ADGRV1: variants seen among roughly 807,000 people sequenced by gnomAD.
ADGRV1 encodes G-protein coupled receptor 98.
In ADGRV1, 359 loss-of-function variants were observed where a neutral mutation model predicts 596.2. That is an observed-to-expected ratio of 0.60 (90% confidence interval 0.55 to 0.66). The LOEUF (loss-of-function observed/expected upper bound fraction) is 0.66, where lower values mean the gene tolerates loss of function less well. ADGRV1 is among the 30% of genes least tolerant of loss of function. The pLI, the probability that ADGRV1 is intolerant of heterozygous loss-of-function variation, is 0.00. For missense variants in ADGRV1, 7,274 were observed against 7,575.6 expected (o/e 0.96, Z 1.48); for synonymous variants, 2,681 against 2,679.2 (o/e 1.00, Z -0.02).
chr5:90,647,418 C>T, intron 16 of ADGRV1, 80 bp from the exon 17 acceptor site: 1 of 1,405,568 alleles, frequency 7.1e-7, no homozygotes, highest in Non-Finnish European at 9.7e-7. Flanking sequence ...TCTTGGAGGG[C>T]AGGGAGAAGC....
chr5:90,968,968 C>T (rs1363394488), intron 84 of ADGRV1, among the ~76,000 whole-genome samples: 2 of 152,162 alleles, frequency 1.3e-5, no homozygotes, highest in South Asian at 2.1e-4. Flanking sequence ...TTTTTATCTG[C>T]GTATCTTCAG....
intron 87 of ADGRV1, among the ~76,000 whole-genome samples, chr5:91,112,099 T>C (rs1198461943): frequency 6.6e-6 from 1 of 152,230 alleles, no homozygotes; most frequent in African/African-American, 2.4e-5. Flanking sequence ...CATTAGCCTG[T>C]TGATTGACCA....
chr5:90,631,877 AT>A (rs1361298125), intron 9 of ADGRV1, among the ~76,000 whole-genome samples: 3 of 152,228 alleles, frequency 2.0e-5, no homozygotes, highest in Non-Finnish European at 4.4e-5. Context: ...AAACAAAAAA[AT>A]CTCTGACTTT....
chr5:91,140,460 T>A (rs10055598), intron 87 of ADGRV1, among the ~76,000 whole-genome samples: 7 of 152,054 alleles, frequency 4.6e-5, no homozygotes, highest in South Asian at 2.1e-4. Context: ...ATAAATAATC[T>A]TATTTATTAC....
intron 1 of ADGRV1, among the ~76,000 whole-genome samples, chr5:90,585,221 T>G (rs1284062973): frequency 1.3e-5 from 2 of 152,182 alleles, no homozygotes; most frequent in Non-Finnish European, 2.9e-5. Flanking sequence ...TCACTTACAT[T>G]GAGTGTATAA....
At position 90,776,582 on chromosome 5, in the gene ADGRV1, G is replaced by C; in HGVS notation, c.12527+6G>C. On this transcript the variant is annotated splice_donor_region_variant and intron_variant, in intron 61 of 89. Transcript: ENST00000405460. ...AATGGTACCGCTATTATCAGGTAAGGACTTCATGATTTTTCTTTGCCTATA... is the reference window on the plus strand; with the variant it reads ...AATGGTACCGCTATTATCAGGTAAGCACTTCATGATTTTTCTTTGCCTATA... The C allele has an allele frequency of 6.2e-7, 1 of 1,613,050 alleles. No individual in the cohort carries two copies. The highest frequency in any genetic ancestry group is 8.5e-7 in the Non-Finnish European group (1 of 1,179,336).
chr5:90,784,106 G>C, intron 67 of ADGRV1, 49 bp downstream of exon 67: 1 of 1,194,410 alleles, frequency 8.4e-7, no homozygotes, highest in Non-Finnish European at 1.2e-6. Flanking sequence ...GATAGACTGA[G>C]TATGGTAGTG....
At chr5:91,021,172 A>G (rs1783601996) in intron 85 of ADGRV1, among the ~76,000 whole-genome samples, 1 of 152,146 alleles carries the variant, frequency 6.6e-6, no homozygotes, top group Non-Finnish European at 1.5e-5. Flanking sequence ...GAATTGCTAA[A>G]GGAAAATATT....
In ADGRV1 at chr5:90,693,897, C is replaced by A; in HGVS notation, c.7141C>A (p.His2381Asn). ...ANITVRRSGG[H>N]FGRLLLFYST... ...TGTCACTCCACATTTTAGCGGAGGG[C>A]ACTTTGGTCGGCTGTTGTTGTTCTA... is the stretch of plus-strand genomic sequence containing the variant. Residue 2381 changes from histidine to asparagine, a missense_variant, in exon 33 of 90, where the codon CAC becomes AAC. Coordinates refer to ENST00000405460, the MANE Select transcript of ADGRV1 (RefSeq NM_032119.4). The A allele has an allele frequency of 6.5e-7, 1 of 1,547,168 alleles. No individual in the cohort carries two copies. The highest frequency in any genetic ancestry group is 8.7e-7 in the Non-Finnish European group (1 of 1,146,118).
At position 90,653,841 on chromosome 5, in the gene ADGRV1, G is replaced by A; in HGVS notation, c.4267G>A (p.Val1423Ile). 6.2e-7 allele frequency: 1 copy of A among 1,612,290 alleles called. No individual in the cohort carries two copies. Among genetic ancestry groups the A allele is most frequent in the Non-Finnish European group, 8.5e-7 (1 of 1,179,144 alleles). Residue 1423 changes from valine to isoleucine, a missense_variant, in exon 20 of 90, where the codon GTT becomes ATT. Coordinates refer to ENST00000405460, the MANE Select transcript of ADGRV1 (RefSeq NM_032119.4). ...AGTCATGAAATATTTAGAAGAAAGT[G>A]TTTGGCTTCATCTACTAATTATCCT... ...TTVMKYLEES[V>I]WLHLLIILED...
At chr5:90,835,618 T>C (rs1326333316) in intron 77 of ADGRV1, among the ~76,000 whole-genome samples, 3 of 152,146 alleles carry the variant, frequency 2.0e-5, no homozygotes, top group Non-Finnish European at 2.9e-5. Context: ...GAAAGAAAAG[T>C]ACCTTATCTT....
At chr5:90,977,862 G>A (rs1779745719) in intron 84 of ADGRV1, among the ~76,000 whole-genome samples, 1 of 152,140 alleles carries the variant, frequency 6.6e-6, no homozygotes, top group Admixed American at 6.6e-5. Context: ...CCAATAGCCT[G>A]AATTACTAAT....
Position 90,877,653 on chromosome 5 carries a change from C to A in ADGRV1, c.17856+13796C>A, listed in dbSNP as rs78638959. The stretch of plus-strand genomic sequence containing the variant: ...TTAAAGAATAATTCCTCATAACATC[C>A]TCCAGTGAACCCTTTGTGATTAGTT... On this transcript the variant is annotated intron_variant, in intron 83 of 89. Transcript: ENST00000405460. Among the ~76,000 whole-genome samples, 420 of 151,096 alleles carry A rather than the reference C, an allele frequency of 2.8e-3. 1 individual carries two copies. Among genetic ancestry groups the A allele is most frequent in the African/African-American group, 9.7e-3 (398 of 41,178 alleles).
At chr5:90,645,646 A>T (rs1386169203) in intron 15 of ADGRV1, among the ~76,000 whole-genome samples, 1 of 152,228 alleles carries the variant, frequency 6.6e-6, no homozygotes, top group East Asian at 1.9e-4. Flanking sequence ...AAAAATCAAC[A>T]TGTCTCCCAT....
intron 9 of ADGRV1, among the ~76,000 whole-genome samples, chr5:90,632,989 C>T (rs1765691893): frequency 6.6e-6 from 1 of 152,128 alleles, no homozygotes; most frequent in Non-Finnish European, 1.5e-5. Context: ...CCTCTGCATG[C>T]AAAGTTGAAT....
Position 90,783,309 on chromosome 5 carries a change from A to C in ADGRV1, c.13417A>C (p.Ile4473Leu), listed in dbSNP as rs775684832. ...CTTAAGTTTTATAAATATCTCCATC[A>C]TTGATGACAATGAAAGGTTGGTATA... The part of the protein sequence containing the change: ...QNLSFINISI[I>L]DDNESEFEEP... The change falls in exon 66 of 90, where the codon ATT becomes CTT. Residue 4473 changes from isoleucine to leucine, a missense_variant. By Grantham distance (5) the Ile-to-Leu change is conservative (BLOSUM62 2). Transcript: ENST00000405460. 6.2e-6 allele frequency: 10 copies of C among 1,609,560 alleles called. No homozygotes were observed. The highest frequency in any genetic ancestry group is 8.5e-6 in the Non-Finnish European group (10 of 1,176,332).
chr5:90,810,836 T>C lies in ADGRV1; in HGVS notation c.15576T>C (p.Leu5192=). The stretch of plus-strand genomic sequence containing the variant: ...GTGTATCTGCCATCCCTGAGAAACT[T>C]GTCACCCTTCATGGCACACCTGCTG... ...ATGVSAIPEK[L]VTLHGTPAVS... Residue 5192 remains leucine (L), a synonymous_variant, in exon 74 of 90, where the codon CTT becomes CTC. Coordinates refer to ENST00000405460, the MANE Select transcript of ADGRV1 (RefSeq NM_032119.4). 1 of 1,614,004 alleles carries C rather than the reference T, an allele frequency of 6.2e-7. No individual in the cohort carries two copies. The highest frequency in any genetic ancestry group is 1.1e-5 in the South Asian group (1 of 91,086).
At chr5:90,826,057 A>T (rs1187682691) in intron 76 of ADGRV1, among the ~76,000 whole-genome samples, 1 of 152,196 alleles carries the variant, frequency 6.6e-6, no homozygotes, top group Non-Finnish European at 1.5e-5. Context: ...AAGAGAGAAG[A>T]TGGAAGATGA....
At chr5:90,861,307 T>G (rs1011262577) in intron 82 of ADGRV1, among the ~76,000 whole-genome samples, 11 of 151,098 alleles carry the variant, frequency 7.3e-5, no homozygotes, top group African/African-American at 2.7e-4. Flanking sequence ...TTTATCTATT[T>G]TTTTTTTGTT....
Sources: allele counts gnomAD v4.1 joint callset (sites outside exome capture counted in the v4.1 genomes callset), GRCh38; gene constraint gnomAD v4.1.1; transcripts MANE v1.5; gene names NCBI Gene and HGNC (gene_info 2026-07-23, HGNC 2026-07-21).